The following UAP1 variants were observed in gnomAD, a reference collection of about 807,000 sequenced individuals.
The protein encoded by UAP1 is UDP-N-acetylhexosamine pyrophosphorylase.
UAP1 carries 25 observed loss-of-function variants against 58.5 expected under a neutral mutation model. The ratio of observed to expected loss-of-function variants is 0.43; its 90% CI spans 0.31 to 0.60. The LOEUF (loss-of-function observed/expected upper bound fraction) is 0.60. Among genes scored for constraint, UAP1 ranks in the 20% least tolerant of loss-of-function variants. The pLI is 0.11. For missense variants in UAP1, 575 were observed against 630.0 expected, an observed-to-expected ratio of 0.91 and a Z score of 0.93; for synonymous variants, 208 against 213.0, an observed-to-expected ratio of 0.98 and a Z score of 0.21.
chr1:162,592,013 G>C (rs1267720099), intron 8 of UAP1, among the ~76,000 whole-genome samples: 3 of 152,240 alleles, frequency 2.0e-5, no homozygotes, highest in Non-Finnish European at 4.4e-5. Flanking sequence ...TGAATCATCT[G>C]GTATATCCGT....
At chr1:162,597,450 A>C in intron 9 of UAP1, 1 of 203,798 alleles carries the variant, frequency 4.9e-6, no homozygotes, top group African/African-American at 2.3e-5. Context: ...CTTGGCATAT[A>C]GTATATACCT....
At chr1:162,576,012 TC>T (rs1257081633) in intron 2 of UAP1, among the ~76,000 whole-genome samples, 1 of 152,190 alleles carries the variant, frequency 6.6e-6, no homozygotes, top group Non-Finnish European at 1.5e-5. Context: ...GTAGCTACCA[TC>T]CCAATCAACA....
chr1:162,566,602 G>A (rs1362873267), intron 2 of UAP1, among the ~76,000 whole-genome samples: 2 of 151,576 alleles, frequency 1.3e-5, no homozygotes, highest in Non-Finnish European at 2.9e-5. Flanking sequence ...TGAAGCACAA[G>A]TTAAATACTT....
chr1:162,572,012 G>A (rs1227546483), intron 2 of UAP1, among the ~76,000 whole-genome samples: 2 of 152,214 alleles, frequency 1.3e-5, no homozygotes, highest in Non-Finnish European at 2.9e-5. Context: ...AGAAGTTAAT[G>A]AAAAGCCTTT....
At chr1:162,569,793 A>G (rs1653736984) in intron 2 of UAP1, among the ~76,000 whole-genome samples, 1 of 152,180 alleles carries the variant, frequency 6.6e-6, no homozygotes, top group Non-Finnish European at 1.5e-5. Flanking sequence ...CATTCTTAAC[A>G]TTATCTCCTC....
chr1:162,599,231 C>A, intron 10 of UAP1, 40 bp from the exon 11 acceptor site: 1 of 1,472,984 alleles, frequency 6.8e-7, no homozygotes, highest in Non-Finnish European at 9.5e-7. Context: ...ATGACAAGTG[C>A]AAATTTTCTA....
chr1:162,581,208 A>C (rs1179473785), intron 4 of UAP1, 79 bp from the exon 5 acceptor site: 2 of 1,472,304 alleles, frequency 1.4e-6, no homozygotes, highest in Non-Finnish European at 1.8e-6. Context: ...AGGGATCTTA[A>C]CCCTAGTTTG....
intron 1 of UAP1, among the ~76,000 whole-genome samples, chr1:162,563,393 T>C (rs753590702): frequency 1.3e-5 from 2 of 151,404 alleles, no homozygotes; most frequent in Non-Finnish European, 2.9e-5. Flanking sequence ...AGACGGAGAG[T>C]CTCACTCTGT....
At chr1:162,562,135 G>A (rs1230325719) in intron 1 of UAP1, among the ~76,000 whole-genome samples, 1 of 151,650 alleles carries the variant, frequency 6.6e-6, no homozygotes, top group Non-Finnish European at 1.5e-5. Flanking sequence ...TCGTGTAGGC[G>A]TGTGGGGTTG....
intron 4 of UAP1, among the ~76,000 whole-genome samples, chr1:162,580,157 G>A (rs1175147001): frequency 6.6e-6 from 1 of 152,104 alleles, no homozygotes; most frequent in Non-Finnish European, 1.5e-5. Flanking sequence ...GTGAGCCACC[G>A]CGCCCAGCCA....
At chr1:162,565,678 C>T (rs927959771) in intron 1 of UAP1, among the ~76,000 whole-genome samples, 3 of 152,260 alleles carry the variant, frequency 2.0e-5, no homozygotes, top group South Asian at 2.1e-4. Context: ...TGAACCATGT[C>T]ATCAGGCTGC....
intron 2 of UAP1, among the ~76,000 whole-genome samples, chr1:162,574,545 C>T (rs1422724175): frequency 2.0e-5 from 3 of 152,240 alleles, no homozygotes; most frequent in Non-Finnish European, 2.9e-5. Flanking sequence ...CTGACTGCGT[C>T]GTCTGGCTTA....
chr1:162,578,849 T>C (rs915129221), intron 3 of UAP1, among the ~76,000 whole-genome samples: 9 of 152,232 alleles, frequency 5.9e-5, no homozygotes, highest in African/African-American at 1.9e-4. Context: ...TCCCTTCTTA[T>C]ATGTAGTTTA....
At chr1:162,579,118 A>C (rs1654389770) in intron 3 of UAP1, among the ~76,000 whole-genome samples, 1 of 152,200 alleles carries the variant, frequency 6.6e-6, no homozygotes, top group Admixed American at 6.5e-5. Context: ...TTCAAATTTA[A>C]AATACACTTT....
intron 7 of UAP1, among the ~76,000 whole-genome samples, chr1:162,589,228 ATT>A (rs1655144506): frequency 1.7e-5 from 2 of 118,296 alleles, no homozygotes; most frequent in Admixed American, 1.1e-4. Context: ...ATATTTATAT[ATT>A]ATATATAAAT....
chr1:162,600,707 TTAAC>T (rs1655867724), downstream of UAP1, among the ~76,000 whole-genome samples: 1 of 152,152 alleles, frequency 6.6e-6, no homozygotes, highest in African/African-American at 2.4e-5. Flanking sequence ...TATTTTTTTT[TTAAC>T]TAAGGCCTAA....
At chr1:162,583,922 G>T (rs142138365) in intron 5 of UAP1, among the ~76,000 whole-genome samples, 85 of 152,334 alleles carry the variant, frequency 5.6e-4, no homozygotes, top group Non-Finnish European at 1.0e-3. Context: ...TTACAGGCGT[G>T]AGCCACTGCA....
intron 6 of UAP1, 172 bp downstream of exon 6, chr1:162,587,840 A>G (rs1010227866): frequency 7.6e-6 from 5 of 655,266 alleles, no homozygotes; most frequent in African/African-American, 7.2e-5. Flanking sequence ...AGTAAGATGT[A>G]TTGTAAGGTG....
intron 2 of UAP1, among the ~76,000 whole-genome samples, chr1:162,567,394 T>TGATCAA (rs777133590): frequency 7.2e-5 from 11 of 152,226 alleles, no homozygotes; most frequent in Non-Finnish European, 1.6e-4. Flanking sequence ...TCAATAAGTG[T>TGATCAA]TTGTTGAATT....
Sources: allele counts gnomAD v4.1 joint callset (sites outside exome capture counted in the v4.1 genomes callset), GRCh38; gene constraint gnomAD v4.1.1; transcripts MANE v1.5; gene names NCBI Gene and HGNC (gene_info 2026-07-23, HGNC 2026-07-21).